SMIM8: variants seen among roughly 807,000 people sequenced by gnomAD.
SMIM8 encodes the protein small integral membrane protein 8, also known as UPF0708 protein C6orf162.
Under a neutral mutation model 8.1 loss-of-function variants are expected in SMIM8, and 8 were observed. The ratio of observed to expected loss-of-function variants is 0.99; its 90% CI spans 0.58 to 1.78. The LOEUF (loss-of-function observed/expected upper bound fraction) is 1.78. Among genes scored for constraint, SMIM8 ranks in the 40% most tolerant of loss-of-function variants. The pLI is 0.00. For synonymous variants in SMIM8, 45 were observed against 39.7 expected, an observed-to-expected ratio of 1.13 and a Z score of -0.50; for missense variants, 126 against 119.8, an observed-to-expected ratio of 1.05 and a Z score of -0.24.
At chr6:87,330,286 G>C (rs1252090605) in intron 1 of SMIM8, among the ~76,000 whole-genome samples, 1 of 152,032 alleles carries the variant, frequency 6.6e-6, no homozygotes, top group Admixed American at 6.5e-5. Context: ...TATTAATAAG[G>C]TTCCTGCTCG....
At chr6:87,339,532 C>T (rs147182446) in intron 3 of SMIM8, among the ~76,000 whole-genome samples, 2 of 152,070 alleles carry the variant, frequency 1.3e-5, no homozygotes, top group Non-Finnish European at 2.9e-5. Context: ...AGGTTAACAG[C>T]ATAATAGCTG....
chr6:87,324,700 G>A (rs1459010335), intron 1 of SMIM8, among the ~76,000 whole-genome samples: 1 of 151,714 alleles, frequency 6.6e-6, no homozygotes, highest in African/African-American at 2.4e-5. Flanking sequence ...AAGTCAGGTA[G>A]TGTGATACCT....
At chr6:87,323,266 TTTTGTTTA>T (rs779058278) in intron 1 of SMIM8, among the ~76,000 whole-genome samples, 6 of 151,942 alleles carry the variant, frequency 3.9e-5, no homozygotes, top group South Asian at 4.1e-4. Context: ...TTTTGTTTTG[TTTTGTTTA>T]TTTATTTATT....
intron 2 of SMIM8, among the ~76,000 whole-genome samples, chr6:87,331,287 CAG>C (rs1776990347): frequency 6.6e-6 from 1 of 152,178 alleles, no homozygotes; most frequent in Admixed American, 6.5e-5. Context: ...GTGGTAATGT[CAG>C]AGTAAGTTAT....
In SMIM8 at chr6:87,340,347, C is replaced by G; in HGVS notation, c.*73C>G. The G allele has an allele frequency of 7.3e-7, 1 of 1,365,022 alleles. No homozygotes were observed. Among genetic ancestry groups the G allele is most frequent in the Non-Finnish European group, 9.6e-7 (1 of 1,041,370 alleles). The allele number at this position is 1,365,022 out of a possible 1,614,324, so 84.6% of individuals were successfully genotyped here. On this transcript the variant is annotated 3_prime_UTR_variant, in exon 4 of 4. Transcript: ENST00000392863. ...TCAAATGAAAGACCTTGTGAGTGTA[C>G]AGTATCATGTTTCTTGTTCTAGAAC... is the stretch of plus-strand genomic sequence containing the variant.
intron 2 of SMIM8, among the ~76,000 whole-genome samples, chr6:87,336,532 T>G (rs572128461): frequency 6.6e-6 from 1 of 151,932 alleles, no homozygotes; most frequent in Admixed American, 6.6e-5. Context: ...AGAGGAGCAG[T>G]GGGGGAAACT....
chr6:87,332,848 C>G (rs1473805140), intron 2 of SMIM8, among the ~76,000 whole-genome samples: 1 of 152,098 alleles, frequency 6.6e-6, no homozygotes, highest in Non-Finnish European at 1.5e-5. Flanking sequence ...CACTCTGAGG[C>G]TGAGATTCAG....
intron 2 of SMIM8, among the ~76,000 whole-genome samples, chr6:87,333,650 C>T (rs1280495711): frequency 6.6e-6 from 1 of 152,192 alleles, no homozygotes; most frequent in African/African-American, 2.4e-5. Context: ...ACCACTACCC[C>T]AACATTGTTC....
rs560326212 is a variant in SMIM8 at position 87,341,139 on chromosome 6, A to T, written c.*865A>T. 6 of 396,022 alleles carry T rather than the reference A, an allele frequency of 1.5e-5. No individual in the cohort carries two copies. In the East Asian group the frequency reaches 2.2e-4, roughly 14 times the overall value. The allele number at this position is 396,022 out of a possible 1,614,324, so 24.5% of individuals were successfully genotyped here. A position where few individuals can be genotyped will look rare whatever the true frequency, so the allele number is the denominator to read the frequency against. ...TAAAAACTACAACTACTCAATGGAT[A>T]AGGAATAGATAAGGTCTCCTTATTG... On this transcript the variant is annotated 3_prime_UTR_variant, in exon 4 of 4. Coordinates refer to ENST00000392863, the MANE Select transcript of SMIM8 (RefSeq NM_001042493.3).
chr6:87,341,382 G>C lies in SMIM8; in HGVS notation c.*1108G>C. 2.7e-6 allele frequency: 1 copy of C among 369,408 alleles called. No individual in the cohort carries two copies. The highest frequency in any genetic ancestry group is 3.7e-5 in the East Asian group (1 of 27,104). 22.9% of individuals were successfully genotyped at this position (369,408 alleles called of 1,614,324 possible). On this transcript the variant is annotated 3_prime_UTR_variant, in exon 4 of 4. Transcript: ENST00000392863. ...AATGGCCTTGGTTGTCCTGGCACCT[G>C]GCCCAGGGGCCTAGGACAGAGGTCA...
rs1777237214 is a variant in SMIM8, at chr6:87,341,591, A to G, written c.*1317A>G. 9.8e-6 allele frequency: 3 copies of G among 306,946 alleles called. No individual in the cohort carries two copies. Among genetic ancestry groups the G allele is most frequent in the Admixed American group, 5.0e-5 (1 of 20,108 alleles). 19.0% of individuals were successfully genotyped at this position (306,946 alleles called of 1,614,324 possible). The stretch of plus-strand genomic sequence containing the variant: ...TCGCTATTAATATTACCAAGTAATA[A>G]TAACAGCACAGGCAGAGTTTATCAT... On this transcript the variant is annotated 3_prime_UTR_variant, in exon 4 of 4. Coordinates refer to ENST00000392863, the MANE Select transcript of SMIM8 (RefSeq NM_001042493.3).
chr6:87,331,112 C>G (rs1246322265), intron 2 of SMIM8, among the ~76,000 whole-genome samples: 3 of 152,014 alleles, frequency 2.0e-5, no homozygotes, highest in Non-Finnish European at 4.4e-5. Context: ...TAAATAGATC[C>G]TCAAAGTGAT....
intron 3 of SMIM8, among the ~76,000 whole-genome samples, chr6:87,339,599 C>T (rs1391519469): frequency 6.6e-6 from 1 of 152,058 alleles, no homozygotes; most frequent in Non-Finnish European, 1.5e-5. Context: ...AGAGTGTATA[C>T]ATCATCATCA....
intron 1 of SMIM8, among the ~76,000 whole-genome samples, chr6:87,324,028 T>C (rs1196438602): frequency 6.7e-6 from 1 of 150,300 alleles, no homozygotes; most frequent in African/African-American, 2.5e-5. Flanking sequence ...TGGCCAGTGA[T>C]GGTGAGCATT....
intron 2 of SMIM8, among the ~76,000 whole-genome samples, chr6:87,333,796 A>G (rs1048164460): frequency 2.0e-5 from 3 of 152,212 alleles, no homozygotes; most frequent in Non-Finnish European, 4.4e-5. Flanking sequence ...ATGGGCATGT[A>G]ACTGTGCTGT....
chr6:87,338,197 T>A (rs1217406691), intron 3 of SMIM8, among the ~76,000 whole-genome samples: 1 of 152,220 alleles, frequency 6.6e-6, no homozygotes, highest in East Asian at 1.9e-4. Context: ...TCTGTGTCCT[T>A]TCTTAGGTGT....
At position 87,341,294 on chromosome 6, in the gene SMIM8, G is replaced by T; in HGVS notation, c.*1020G>T. The T allele has an allele frequency of 2.5e-6, 1 of 398,538 alleles. No homozygotes were observed. The highest frequency in any genetic ancestry group is 4.4e-6 in the Non-Finnish European group (1 of 226,030). 24.7% of individuals were successfully genotyped at this position (398,538 alleles called of 1,614,324 possible). ...TTATGGAAGTGGGGACAGAAATGGG[G>T]GTAAAAATGAGTGTAAACAAAGCCT... On this transcript the variant is annotated 3_prime_UTR_variant, in exon 4 of 4. Coordinates refer to ENST00000392863, the MANE Select transcript of SMIM8 (RefSeq NM_001042493.3).
chr6:87,328,515 G>A (rs187153837), intron 1 of SMIM8, among the ~76,000 whole-genome samples: 2 of 151,604 alleles, frequency 1.3e-5, no homozygotes, highest in Non-Finnish European at 2.9e-5. Context: ...CCGGCCGTGT[G>A]AGGTATCAGT....
chr6:87,333,805 G>T (rs1777045073), intron 2 of SMIM8, among the ~76,000 whole-genome samples: 1 of 152,218 alleles, frequency 6.6e-6, no homozygotes. Flanking sequence ...TAACTGTGCT[G>T]TAGAAAGCAT....
Sources: allele counts gnomAD v4.1 joint callset (sites outside exome capture counted in the v4.1 genomes callset), GRCh38; gene constraint gnomAD v4.1.1; transcripts MANE v1.5; gene names NCBI Gene and HGNC (gene_info 2026-07-23, HGNC 2026-07-21).